Variants in BRAF observed in about 807,000 individuals in gnomAD.
BRAF encodes the protein serine/threonine-protein kinase B-raf.
A neutral mutation model predicts 104.6 loss-of-function variants in BRAF; 16 were observed. That is an observed-to-expected ratio of 0.15 (90% CI 0.10 to 0.23). BRAF has a LOEUF of 0.23. Among genes scored for constraint, BRAF ranks in the 10% least tolerant of loss-of-function variants. BRAF has a pLI of 1.00. For synonymous variants in BRAF, 310 were observed against 341.6 expected (o/e 0.91, Z 1.02); for missense variants, 541 against 937.3 (o/e 0.58, Z 5.52).
intron 2 of BRAF, among the ~76,000 whole-genome samples, chr7:140,842,183 G>T (rs1448636902): frequency 6.6e-6 from 1 of 152,126 alleles, no homozygotes; most frequent in Non-Finnish European, 1.5e-5. Flanking sequence ...AGAATGATAC[G>T]GTGATTAAAC....
intron 1 of BRAF, among the ~76,000 whole-genome samples, chr7:140,866,176 C>T (rs751178005): frequency 2.6e-5 from 4 of 152,140 alleles, no homozygotes; most frequent in Non-Finnish European, 4.4e-5. Context: ...ATATGTGAAA[C>T]AATAGATGTA....
intron 3 of BRAF, among the ~76,000 whole-genome samples, chr7:140,814,792 CATATATATATTATAT>C (rs1287897831): frequency 7.3e-6 from 1 of 137,900 alleles, no homozygotes; most frequent in Non-Finnish European, 1.6e-5. Context: ...TTATATATAA[CATATATATATTATAT>C]ATAACATATA....
intron 16 of BRAF, among the ~76,000 whole-genome samples, chr7:140,751,809 G>T (rs1797814199): frequency 6.6e-6 from 1 of 152,174 alleles, no homozygotes; most frequent in Non-Finnish European, 1.5e-5. Flanking sequence ...TCTGGAGACT[G>T]CTACATAAAG....
In BRAF at chr7:140,924,534, C is replaced by T. The variant is rs764601253; in HGVS notation, c.138+32G>A. ...ACCAGCCAGCCGCCGAGCCCGGAGT[C>T]GGGAGGGCGGCAGGGTGGCGCCAGC... On this transcript the variant is annotated intron_variant, in intron 1 of 19. Transcript: ENST00000644969. This position sits in a 1 kb window ranked among gnomAD's most constrained non-coding sequence, Gnocchi z 4.2. 6.5e-7 allele frequency: 1 copy of T among 1,531,134 alleles called. No individual in the cohort carries two copies. The highest frequency in any genetic ancestry group is 2.4e-5 in the East Asian group (1 of 40,926). 94.8% of individuals were successfully genotyped at this position (1,531,134 alleles called of 1,614,324 possible).
At chr7:140,875,073 T>C (rs1240410519) in intron 1 of BRAF, among the ~76,000 whole-genome samples, 3 of 152,324 alleles carry the variant, frequency 2.0e-5, no homozygotes, top group African/African-American at 7.2e-5. Flanking sequence ...ATGAGCCAAC[T>C]GAATCTCTGT....
intron 8 of BRAF, 124 bp from the exon 9 acceptor site, chr7:140,787,708 A>C: frequency 1.2e-6 from 1 of 801,292 alleles, no homozygotes. Flanking sequence ...ACATCTTATA[A>C]CTATTACACA....
chr7:140,914,342 C>T (rs1218910325), intron 1 of BRAF, among the ~76,000 whole-genome samples: 1 of 152,060 alleles, frequency 6.6e-6, no homozygotes, highest in Admixed American at 6.5e-5. Flanking sequence ...TATAATGAAA[C>T]TTATTTGAGA....
intron 3 of BRAF, among the ~76,000 whole-genome samples, chr7:140,821,293 CA>C (rs1364144130): frequency 2.9e-4 from 31 of 108,120 alleles, no homozygotes; most frequent in South Asian, 1.2e-3. Context: ...GTCTGAATTA[CA>C]TTTTTTTTTT....
rs756069389 is a variant in BRAF at position 140,726,341 on chromosome 7, G to C, written c.*153C>G. 3.6e-5 allele frequency: 52 copies of C among 1,437,918 alleles called. No individual in the cohort carries two copies. Among genetic ancestry groups the C allele is most frequent in the Non-Finnish European group, 4.4e-5 (48 of 1,103,318 alleles). The allele number at this position is 1,437,918 out of a possible 1,614,324, so 89.1% of individuals were successfully genotyped here. On this transcript the variant is annotated 3_prime_UTR_variant, in exon 20 of 20. Transcript: ENST00000644969. Reference sequence around the variant, plus strand: ...TAAAACATTCTTTCCTCTTTTGTTGGATGGGAAATTCCATTCTGTTCCACA... The same window carrying C: ...TAAAACATTCTTTCCTCTTTTGTTGCATGGGAAATTCCATTCTGTTCCACA...
At chr7:140,844,281 T>C (rs1363453450) in intron 2 of BRAF, among the ~76,000 whole-genome samples, 1 of 152,180 alleles carries the variant, frequency 6.6e-6, no homozygotes, top group Non-Finnish European at 1.5e-5. Context: ...TTTCTGGCTA[T>C]TGTATTTTTA....
At chr7:140,817,409 C>T (rs1238455030) in intron 3 of BRAF, among the ~76,000 whole-genome samples, 1 of 152,124 alleles carries the variant, frequency 6.6e-6, no homozygotes, top group African/African-American at 2.4e-5. Context: ...AATGTAATCC[C>T]TATGAAAACA....
chr7:140,739,730 CACTGTGTGCCCAAAAAAGTGCTCAG>C, intron 18 of BRAF, 57 bp downstream of exon 17: 1 of 1,516,170 alleles, frequency 6.6e-7, no homozygotes, highest in Non-Finnish European at 9.1e-7. Context: ...ATGAAATACA[CACTGTGTGCCCAAAAAAGTGCTCAG>C]AAATCTGTCT....
intron 14 of BRAF, 100 bp downstream of exon 13, chr7:140,776,812 A>T: frequency 8.6e-7 from 1 of 1,167,124 alleles, no homozygotes; most frequent in Non-Finnish European, 1.3e-6. Context: ...CCTGGACAGT[A>T]ATTTAAAATG....
rs763440096 is a variant in BRAF, at chr7:140,924,529, G to C, written c.138+37C>G. 1.1e-4 allele frequency: 175 copies of C among 1,533,562 alleles called. No individual in the cohort carries two copies. Among genetic ancestry groups the C allele is most frequent in the Middle Eastern group, 2.0e-4 (1 of 5,030 alleles). 95.0% of individuals were successfully genotyped at this position (1,533,562 alleles called of 1,614,324 possible). A position where few individuals can be genotyped will look rare whatever the true frequency, so the allele number is the denominator to read the frequency against. On this transcript the variant is annotated intron_variant, in intron 1 of 19. Coordinates refer to ENST00000644969, the MANE Select transcript of BRAF (RefSeq NM_001374258.1). The surrounding 1 kb of genome is among the most constrained non-coding windows in gnomAD (Gnocchi z 4.2). Reference sequence around the variant, plus strand: ...TAAACACCAGCCAGCCGCCGAGCCCGGAGTCGGGAGGGCGGCAGGGTGGCG... The same window carrying C: ...TAAACACCAGCCAGCCGCCGAGCCCCGAGTCGGGAGGGCGGCAGGGTGGCG...
intron 11 of BRAF, among the ~76,000 whole-genome samples, chr7:140,782,735 C>A (rs535417277): frequency 6.6e-6 from 1 of 152,080 alleles, no homozygotes; most frequent in Non-Finnish European, 1.5e-5. Context: ...TCTGGACCAG[C>A]CTTTTCGTGC....
intron 14 of BRAF, among the ~76,000 whole-genome samples, chr7:140,757,192 GATTAT>G (rs1798272142): frequency 6.6e-6 from 1 of 152,086 alleles, no homozygotes; most frequent in Non-Finnish European, 1.5e-5. Context: ...GCACAAAAAG[GATTAT>G]ATTCAATTAC....
At chr7:140,787,665 C>T (rs1019567757) in intron 8 of BRAF, 81 bp from the exon 9 acceptor site, 14 of 1,160,792 alleles carry the variant, frequency 1.2e-5, no homozygotes, top group Middle Eastern at 3.9e-4. Flanking sequence ...TTTCCACTAA[C>T]GTTAAAAGAA....
intron 3 of BRAF, among the ~76,000 whole-genome samples, chr7:140,812,113 T>C (rs1417533396): frequency 5.3e-5 from 8 of 152,020 alleles, no homozygotes; most frequent in Non-Finnish European, 8.8e-5. Context: ...AATTTTTTAC[T>C]TTTAAGAAGG....
intron 2 of BRAF, among the ~76,000 whole-genome samples, chr7:140,849,588 G>T (rs1051008885): frequency 6.6e-6 from 1 of 151,640 alleles, no homozygotes; most frequent in Non-Finnish European, 1.5e-5. Context: ...AGGCCAAGTG[G>T]GTGGATCACA....
Sources: gnomAD v4.1 joint callset for allele counts (sites outside exome capture counted in the v4.1 genomes callset) on GRCh38, gnomAD v4.1.1 for gene constraint, Gnocchi (gnomAD v3.1) non-coding constraint, MANE v1.5 for transcripts, NCBI Gene and HGNC (gene_info 2026-07-23, HGNC 2026-07-21) for gene names.